The following HEATR4 variants were observed in gnomAD, a reference collection of about 807,000 sequenced individuals.
The protein encoded by HEATR4 is HEAT repeat-containing protein 4.
A neutral mutation model predicts 108.8 loss-of-function variants in HEATR4; 95 were observed. The observed-to-expected ratio is 0.87, with a 90% CI of 0.74 to 1.04. HEATR4 has a LOEUF of 1.04. Ranked by LOEUF, HEATR4 falls within the 50% of genes least tolerant of loss-of-function variation. The pLI is 0.00. For missense variants in HEATR4, 1,152 were observed against 1,253.8 expected (o/e 0.92, Z 1.23); for synonymous variants, 443 against 459.4 (o/e 0.96, Z 0.46).
At chr14:73,570,989 TTA>T in the HEATR4 span, among the ~76,000 whole-genome samples, 278 of 146,144 alleles carry the variant, frequency 1.9e-3, 1 homozygote, top group Non-Finnish European at 3.4e-3. Context: ...TTTTTTTTTT[TTA>T]AATAAGAATT....
chr14:73,520,770 A>G (rs1423230432), intron 4 of HEATR4, 82 bp downstream of exon 4: 45 of 1,325,900 alleles, frequency 3.4e-5, no homozygotes, highest in Non-Finnish European at 4.2e-5. Context: ...CATACCCACA[A>G]CTGTTTCCAG....
intron 11 of HEATR4, among the ~76,000 whole-genome samples, chr14:73,502,442 G>A (rs139785149): frequency 8.5e-5 from 13 of 152,252 alleles, no homozygotes; most frequent in South Asian, 6.2e-4. Context: ...TCTTTCCCTA[G>A]CCACATTGTT....
the HEATR4 span, among the ~76,000 whole-genome samples, chr14:73,598,836 C>G: frequency 6.6e-6 from 1 of 152,154 alleles, no homozygotes; most frequent in Admixed American, 6.5e-5. Context: ...AACCCCATCT[C>G]TACTAAAAAT....
At chr14:73,626,248 G>A in the HEATR4 span, among the ~76,000 whole-genome samples, 2 of 152,056 alleles carry the variant, frequency 1.3e-5, no homozygotes, top group African/African-American at 2.4e-5. Context: ...ATACAACAAC[G>A]CTAATAATAG....
At chr14:73,486,629 C>T (rs528473594) in intron 17 of HEATR4, among the ~76,000 whole-genome samples, 15 of 151,524 alleles carry the variant, frequency 9.9e-5, no homozygotes, top group African/African-American at 3.6e-4. Flanking sequence ...ACCCAGGAGG[C>T]GGAGATTGCA....
chr14:73,511,879 A>C (rs1887289773), intron 7 of HEATR4, 127 bp downstream of exon 7: 1 of 1,062,108 alleles, frequency 9.4e-7, no homozygotes, highest in East Asian at 2.4e-5. Context: ...TATATAGGCC[A>C]GTCTCTAAGT....
intron 11 of HEATR4, among the ~76,000 whole-genome samples, chr14:73,502,693 A>G (rs1239490746): frequency 6.6e-6 from 1 of 152,068 alleles, no homozygotes. Context: ...GATGACAGGC[A>G]TGTGCCACCA....
At chr14:73,486,698 G>GA (rs33986905) in intron 17 of HEATR4, among the ~76,000 whole-genome samples, 26,139 of 144,712 alleles carry the variant, frequency 0.18, 2,672 homozygotes, top group East Asian at 0.36. Context: ...ACTCTGTCTT[G>GA]AAAAAAAAAA....
At chr14:73,608,034 C>A in the HEATR4 span, among the ~76,000 whole-genome samples, 1 of 152,082 alleles carries the variant, frequency 6.6e-6, no homozygotes, top group African/African-American at 2.4e-5. Context: ...AAGCGATTCG[C>A]CTGCCTCAGC....
At chr14:73,587,143 AAAAAC>A in the HEATR4 span, among the ~76,000 whole-genome samples, 1 of 25,960 alleles carries the variant, frequency 3.9e-5, no homozygotes, top group African/African-American at 3.1e-4. Flanking sequence ...AAAAAAAAAC[AAAAAC>A]AAAAAAAAGA....
At chr14:73,627,223 G>A in the HEATR4 span, among the ~76,000 whole-genome samples, 11 of 151,866 alleles carry the variant, frequency 7.2e-5, no homozygotes, top group Admixed American at 5.9e-4. Context: ...CTCACTCAAC[G>A]CAACAATCAA....
the HEATR4 span, among the ~76,000 whole-genome samples, chr14:73,585,981 T>C: frequency 2.8e-3 from 379 of 136,558 alleles, 1 homozygote; most frequent in Non-Finnish European, 4.6e-3. Flanking sequence ...TGCACTCCAG[T>C]CTGGGCGACA....
chr14:73,495,502 G>A, intron 15 of HEATR4, 115 bp from the exon 16 acceptor site: 1 of 811,810 alleles, frequency 1.2e-6, no homozygotes, highest in East Asian at 2.7e-5. Flanking sequence ...AGGATCACTT[G>A]AGCCCAACAG....
At chr14:73,519,541 C>T (rs1363416762) in intron 4 of HEATR4, among the ~76,000 whole-genome samples, 2 of 151,644 alleles carry the variant, frequency 1.3e-5, no homozygotes, top group East Asian at 3.9e-4. Flanking sequence ...ATCAGGAGTT[C>T]GAGACCAGCC....
Position 73,534,652 on chromosome 14 carries a change from G to A in HEATR4, c.-151-4408C>T, listed in dbSNP as rs1409786166. On this transcript the variant is annotated intron_variant, in intron 1 of 17. Transcript: ENST00000553558. ...TGCAGTGAGCTATGATCGCACCACTGCACTCCAGCCTGGGTAACACAGTGA... is the reference window on the plus strand; with the variant it reads ...TGCAGTGAGCTATGATCGCACCACTACACTCCAGCCTGGGTAACACAGTGA... 3.5e-5 allele frequency among the ~76,000 whole-genome samples: 4 copies of A among 113,680 alleles called. 1 individual carries two copies. Among genetic ancestry groups the A allele is most frequent in the Non-Finnish European group, 7.6e-5 (4 of 52,442 alleles). The allele number at this position is 113,680 out of a possible 152,430, so 74.6% of individuals were successfully genotyped here. A position where few individuals can be genotyped will look rare whatever the true frequency, so the allele number is the denominator to read the frequency against.
chr14:73,569,901 A>T, the HEATR4 span: 1 of 1,597,952 alleles, frequency 6.3e-7, no homozygotes, highest in Non-Finnish European at 8.5e-7. Context: ...ACCTCCGCTA[A>T]TTGTTCCGTG....
rs141958391 is a variant in HEATR4 at position 73,521,038 on chromosome 14, A to G, written c.883T>C (p.Leu295=). 5 of 1,613,166 alleles carry G rather than the reference A, an allele frequency of 3.1e-6. No homozygotes were observed. The South Asian group carries it at 5.5e-5, about 18-fold the overall frequency. Residue 295 remains leucine, a splice_region_variant and synonymous_variant, in exon 4 of 18, where the codon TTG becomes CTG. Transcript: ENST00000553558. ...TCTGCTTGTTGGAAGTAACTGGGCA[A>G]TCTTGGCAGGGGTGAGAAAGGAGGG... is the stretch of plus-strand genomic sequence containing the variant. ...PELLLPVYYR[L]PSYFQQAETV...
At position 73,534,839 on chromosome 14, in the gene HEATR4, G is replaced by A. The variant is rs1888812665; in HGVS notation, c.-151-4595C>T. Among the ~76,000 whole-genome samples, 2 of 95,938 alleles carry A rather than the reference G, an allele frequency of 2.1e-5. 1 individual carries two copies. The highest frequency in any genetic ancestry group is 6.9e-5 in the African/African-American group (2 of 29,008). The allele number at this position is 95,938 out of a possible 152,430, so 62.9% of individuals were successfully genotyped here. On this transcript the variant is annotated intron_variant, in intron 1 of 17. Transcript: ENST00000553558. ...TTTTTTTTTTAAGGGATGAGGTCTT[G>A]CTCTGTTGCCCAAGCTGGTATCGAA...
the HEATR4 span, among the ~76,000 whole-genome samples, chr14:73,606,985 T>C: frequency 6.6e-6 from 1 of 152,212 alleles, no homozygotes; most frequent in East Asian, 1.9e-4. Flanking sequence ...AAGTACCATC[T>C]TGTGGTTACA....
Sources: gnomAD v4.1 joint callset for allele counts (sites outside exome capture counted in the v4.1 genomes callset) on GRCh38, gnomAD v4.1.1 for gene constraint, MANE v1.5 for transcripts, NCBI Gene and HGNC (gene_info 2026-07-23, HGNC 2026-07-21) for gene names.